Variants in DSEL observed in about 807,000 individuals in gnomAD.
The protein encoded by DSEL is dermatan sulfate epimerase like, also known as dermatan-sulfate epimerase-like protein.
Under a neutral mutation model 96.6 loss-of-function variants are expected in DSEL, and 61 were observed. That is an observed-to-expected ratio of 0.63 (90% CI 0.51 to 0.78). The LOEUF (loss-of-function observed/expected upper bound fraction) is 0.78, where lower values mean the gene tolerates loss of function less well. Among genes scored for constraint, DSEL ranks in the 30% least tolerant of loss-of-function variants. The pLI is 0.00. For synonymous variants in DSEL, 514 were observed against 502.0 expected (o/e 1.02, Z -0.32); for missense variants, 1,320 against 1,430.8 (o/e 0.92, Z 1.25).
In DSEL at chr18:67,512,949, CA is replaced by C; in HGVS notation, c.1659del (p.Ser553ArgfsTer12). The C allele has an allele frequency of 6.2e-7, 1 of 1,614,158 alleles. No individual in the cohort carries two copies. Among genetic ancestry groups the C allele is most frequent in the Non-Finnish European group, 8.5e-7 (1 of 1,180,038 alleles). ...ASQHGEMVFV[S>X]GEAVSAYSSA... is the part of the protein sequence containing the mutation. ...GAAGAATAAGCAGACACGGCTTCCC[CA>C]CTCACAAATACCATTTCCCCATGTT... On this transcript the variant is annotated frameshift_variant, in exon 2 of 2. Transcript: ENST00000310045. LOFTEE classifies it high-confidence loss of function.
At position 67,512,473 on chromosome 18, in the gene DSEL, T is replaced by A. The variant is rs757089265; in HGVS notation, c.2136A>T (p.Glu712Asp). ...LQISLNVNNT[E>D]HVVSIVTDYH... ...AATCAGTTACAATAGAAACAACATG[T>A]TCAGTATTATTGACATTGAGAGAAA... Residue 712 changes from glutamate to aspartate, a missense_variant, in exon 2 of 2, where the codon GAA becomes GAT. This residue lies in a region of DSEL where 986 missense variants were observed against 1,066.4 expected (regional missense o/e 0.92). Transcript: ENST00000310045. 3.1e-6 allele frequency: 5 copies of A among 1,614,114 alleles called. No individual in the cohort carries two copies. In the South Asian group the frequency reaches 5.5e-5, roughly 18 times the overall value.
Position 67,514,609 on chromosome 18 carries a change from G to C in DSEL, c.-1C>G, listed in dbSNP as rs201382231. The C allele has an allele frequency of 6.4e-5, 103 of 1,613,632 alleles. No individual in the cohort carries two copies. Among genetic ancestry groups the C allele is most frequent in the Non-Finnish European group, 8.6e-5 (101 of 1,179,866 alleles). ...AATGTCCTGTAAACATTAACGCCAT[G>C]ATCCATGGGGGAGCTCCTCCCTTAG... On this transcript the variant is annotated 5_prime_UTR_variant, in exon 2 of 2. It adds an upstream start codon to the 5' untranslated region. Transcript: ENST00000310045.
chr18:67,512,935 A>G lies in DSEL; in HGVS notation c.1674T>C (p.Ser558=). ...EMVFVSGEAV[S]AYSSAMRLKS... is the part of the protein sequence containing the mutation. ...TCAGTCTCATTGCTGAAGAATAAGC[A>G]GACACGGCTTCCCCACTCACAAATA... Residue 558 remains serine (S), a synonymous_variant, in exon 2 of 2, where the codon TCT becomes TCC. Coordinates refer to ENST00000310045, the MANE Select transcript of DSEL (RefSeq NM_032160.3). 1.2e-6 allele frequency: 2 copies of G among 1,614,226 alleles called. No individual in the cohort carries two copies. Among genetic ancestry groups the G allele is most frequent in the Non-Finnish European group, 1.7e-6 (2 of 1,180,056 alleles).
Position 67,511,334 on chromosome 18 carries a change from T to A in DSEL, c.3275A>T (p.Lys1092Ile). ...EPLRKELSKSKSNAVSLLSHL... is the reference protein window; with the variant it reads ...EPLRKELSKSISNAVSLLSHL... ...AGACAAGAGGGACACTGCATTTGAT[T>A]TGGATTTTGATAATTCTTTCCTCAA... is the stretch of plus-strand genomic sequence containing the variant. The change falls in exon 2 of 2, where the codon AAA (lysine) becomes ATA (isoleucine). Residue 1092 changes from lysine (K) to isoleucine (I), a missense_variant. This residue lies in a region of DSEL where 986 missense variants were observed against 1,066.4 expected (regional missense o/e 0.92). Transcript: ENST00000310045. 6.2e-7 allele frequency: 1 copy of A among 1,605,784 alleles called. No homozygotes were observed. The highest frequency in any genetic ancestry group is 8.5e-7 in the Non-Finnish European group (1 of 1,180,000).
Position 67,512,831 on chromosome 18 carries a change from G to GA in DSEL, c.1777dup (p.Ser593PhefsTer12). ...GAAGGCACTGACAGAATTTATTGGG[G>GA]AATCTTCTTGCCTCTCAATATGATC... On this transcript the variant is annotated frameshift_variant, in exon 2 of 2. Transcript: ENST00000310045. LOFTEE classifies it high-confidence loss of function. 3 of 1,613,898 alleles carry GA rather than the reference G, an allele frequency of 1.9e-6. No individual in the cohort carries two copies. Among genetic ancestry groups the GA allele is most frequent in the Non-Finnish European group, 2.5e-6 (3 of 1,180,026 alleles).
chr18:67,514,457 C>T lies in DSEL; in HGVS notation c.152G>A (p.Arg51Lys). The change falls in exon 2 of 2, where the codon AGA becomes AAA. Residue 51 changes from arginine (R) to lysine (K), a missense_variant. Coordinates refer to ENST00000310045, the MANE Select transcript of DSEL (RefSeq NM_032160.3). ...QFKTQKVQDFRPNQKLKKSML... is the reference protein window; with the variant it reads ...QFKTQKVQDFKPNQKLKKSML... ...ACTTTTCTTCAGCTTTTGGTTGGGT[C>T]TGAAATCTTGCACTTTCTGTGTTTT... The T allele has an allele frequency of 6.2e-7, 1 of 1,614,116 alleles. No homozygotes were observed. Among genetic ancestry groups the T allele is most frequent in the Non-Finnish European group, 8.5e-7 (1 of 1,180,018 alleles).
rs750620094 is a variant in DSEL at position 67,511,812 on chromosome 18, G to GT, written c.2796dup (p.His933ThrfsTer9). 6.2e-7 allele frequency: 1 copy of GT among 1,614,178 alleles called. No homozygotes were observed. The highest frequency in any genetic ancestry group is 1.1e-5 in the South Asian group (1 of 91,080). ...TCATGCAGATGGATGTTTTGCAAAT[G>GT]TAATTTTGTGTCCTGGACTAAAGAC... On this transcript the variant is annotated frameshift_variant, in exon 2 of 2. Transcript: ENST00000310045. LOFTEE classifies it high-confidence loss of function.
In DSEL at chr18:67,514,619, G is replaced by A; in HGVS notation, c.-11C>T. ...AAACATTAACGCCATGATCCATGGG[G>A]GAGCTCCTCCCTTAGGCATACATGT... On this transcript the variant is annotated 5_prime_UTR_variant, in exon 2 of 2. Transcript: ENST00000310045. The A allele has an allele frequency of 6.2e-7, 1 of 1,613,286 alleles. No individual in the cohort carries two copies. Among genetic ancestry groups the A allele is most frequent in the Admixed American group, 1.7e-5 (1 of 59,954 alleles).
Position 67,512,261 on chromosome 18 carries a change from C to T in DSEL, c.2348G>A (p.Ser783Asn). 1 of 1,614,076 alleles carries T rather than the reference C, an allele frequency of 6.2e-7. No homozygotes were observed. The highest frequency in any genetic ancestry group is 1.3e-5 in the African/African-American group (1 of 75,044). Residue 783 changes from serine to asparagine, a missense_variant, in exon 2 of 2, where the codon AGC becomes AAC. By Grantham distance (46) the Ser-to-Asn change is conservative. Transcript: ENST00000310045. ...NIAVGLILCI[S>N]LVILTFQWRF... ...CCATTGGAAAGTTAAAATCACCAAG[C>T]TAATGCACAAAATTAATCCAACTGC...
rs148721708 is a variant in DSEL at position 67,513,563 on chromosome 18, T to G, written c.1046A>C (p.Lys349Thr). 6.2e-7 allele frequency: 1 copy of G among 1,614,198 alleles called. No individual in the cohort carries two copies. The highest frequency in any genetic ancestry group is 8.5e-7 in the Non-Finnish European group (1 of 1,180,036). Reference sequence around the variant, plus strand: ...TCCAGCTCCATTCTTTAAGATGAACTTATCCAAGAAAACTAGCTGGCTTTC... The same window carrying G: ...TCCAGCTCCATTCTTTAAGATGAACGTATCCAAGAAAACTAGCTGGCTTTC... Reference protein sequence around the residue: ...GPESQLVFLDKFILKNGAGNW... With the variant: ...GPESQLVFLDTFILKNGAGNW... Residue 349 changes from lysine to threonine, a missense_variant, in exon 2 of 2, where the codon AAG becomes ACG. Transcript: ENST00000310045.
chr18:67,512,219 A>C lies in DSEL; in HGVS notation c.2390T>G (p.Phe797Cys). Reference sequence around the variant, plus strand: ...TAATATCCATCGCATTAGTTTTCTAAAAGAAAGGTAAAAACGCCATTGGAA... The same window carrying C: ...TAATATCCATCGCATTAGTTTTCTACAAGAAAGGTAAAAACGCCATTGGAA... ...LTFQWRFYLS[F>C]RKLMRWILIL... Residue 797 changes from phenylalanine (F) to cysteine (C), a missense_variant, in exon 2 of 2, where the codon TTT becomes TGT. Transcript: ENST00000310045. 1.2e-6 allele frequency: 2 copies of C among 1,614,186 alleles called. No individual in the cohort carries two copies. The highest frequency in any genetic ancestry group is 1.7e-6 in the Non-Finnish European group (2 of 1,180,048).
rs2089431714 is a variant in DSEL, at chr18:67,509,881, G to A, written c.*1089C>T. On this transcript the variant is annotated 3_prime_UTR_variant, in exon 2 of 2. Coordinates refer to ENST00000310045, the MANE Select transcript of DSEL (RefSeq NM_032160.3). Reference sequence around the variant, plus strand: ...GATGGTAAAGGAAACAGATGCCTCTGACATCATCTCCCATTTGCTTTCAAC... The same window carrying A: ...GATGGTAAAGGAAACAGATGCCTCTAACATCATCTCCCATTTGCTTTCAAC... 6.6e-6 allele frequency: 1 copy of A among 152,628 alleles called. No individual in the cohort carries two copies. The highest frequency in any genetic ancestry group is 1.5e-5 in the Non-Finnish European group (1 of 68,044). The allele number at this position is 152,628 out of a possible 1,614,324, so 9.5% of individuals were successfully genotyped here.
chr18:67,513,910 G>C lies in DSEL; in HGVS notation c.699C>G (p.Leu233=). ...CTACTCCAGTCACCAAGGCCCCTGT[G>C]AGTAATGCTATCATATTAGTGGCTT... ...NHQATNMIAL[L]TGALVTGVDK... is the part of the protein sequence containing the mutation. Residue 233 remains leucine (L), a synonymous_variant, in exon 2 of 2, where the codon CTC becomes CTG. Transcript: ENST00000310045. 1 of 1,614,162 alleles carries C rather than the reference G, an allele frequency of 6.2e-7. No individual in the cohort carries two copies. The highest frequency in any genetic ancestry group is 8.5e-7 in the Non-Finnish European group (1 of 1,180,020).
chr18:67,512,154 C>T lies in DSEL; in HGVS notation c.2455G>A (p.Val819Met). The change falls in exon 2 of 2, where the codon GTG becomes ATG. Residue 819 changes from valine to methionine, a missense_variant. Physicochemically the swap from Val to Met is conservative, Grantham distance 21 (BLOSUM62 1). Transcript: ENST00000310045. The stretch of plus-strand genomic sequence containing the variant: ...ATGGGCTGACTACAAGTGCTCCACA[C>T]ATCCAAAAGCTCAATAAACCACAAG... Reference protein sequence around the residue: ...IALWFIELLDVWSTCSQPICA... With the variant: ...IALWFIELLDMWSTCSQPICA... 2 of 1,614,202 alleles carry T rather than the reference C, an allele frequency of 1.2e-6. No homozygotes were observed. The highest frequency in any genetic ancestry group is 4.5e-5 in the East Asian group (2 of 44,888).
rs768338937 is a variant in DSEL, at chr18:67,512,978, G to A, written c.1631C>T (p.Ser544Phe). ...CACAAATACCATTTCCCCATGTTGA[G>A]AGGCAGTGATTATTTCCCCAGCTGC... The part of the protein sequence containing the change: ...GDAAGEIITA[S>F]QHGEMVFVSG... Residue 544 changes from serine to phenylalanine, a missense_variant, in exon 2 of 2, where the codon TCT becomes TTT. Physicochemically the swap from Ser to Phe is radical, Grantham distance 155. Coordinates refer to ENST00000310045, the MANE Select transcript of DSEL (RefSeq NM_032160.3). 59 of 1,614,026 alleles carry A rather than the reference G, an allele frequency of 3.7e-5. No homozygotes were observed. The highest frequency in any genetic ancestry group is 5.0e-5 in the Admixed American group (3 of 59,990).
Position 67,514,254 on chromosome 18 carries a change from C to A in DSEL, c.355G>T (p.Glu119Ter). Reference protein sequence around the residue: ...KHADFAAKWNEIYGNNLPPLA... With the variant: ...KHADFAAKWN ...GGAGGCAGATTGTTACCATAAATTT[C>A]ATTCCACTTGGCAGCAAAATCAGCA... Residue 119 changes from glutamate (E) to a stop codon, truncating the protein, a stop_gained, in exon 2 of 2, where the codon GAA becomes TAA. Transcript: ENST00000310045. LOFTEE classifies it high-confidence loss of function. The A allele has an allele frequency of 6.2e-7, 1 of 1,614,204 alleles. No individual in the cohort carries two copies. Among genetic ancestry groups the A allele is most frequent in the Non-Finnish European group, 8.5e-7 (1 of 1,180,026 alleles).
rs1568243956 is a variant in DSEL, at chr18:67,511,130, G to A, written c.3479C>T (p.Ala1160Val). 2 of 1,614,120 alleles carry A rather than the reference G, an allele frequency of 1.2e-6. No homozygotes were observed. The highest frequency in any genetic ancestry group is 1.7e-6 in the Non-Finnish European group (2 of 1,180,026). Residue 1160 changes from alanine (A) to valine (V), a missense_variant, in exon 2 of 2, where the codon GCC becomes GTC. By Grantham distance (64) the Ala-to-Val change is moderately conservative. This residue lies in a region of DSEL where 986 missense variants were observed against 1,066.4 expected (regional missense o/e 0.92). Transcript: ENST00000310045. ...AAGGTAAAAAAGGTTTGTAGAGGTG[G>A]CAAACAATATTTGGTTTAAACTAGC... ...SPASLNQILF[A>V]TSTNLFYLPY...
chr18:67,513,391 A>G lies in DSEL; in HGVS notation c.1218T>C (p.Thr406=). ...AGTTAGGGAATGTGTGTATTTTTGC[A>G]GTACCATAATCAGCAGGTGGCTGTG... ...LTPQPPADYG[T]AKIHTFPNWG... Residue 406 remains threonine, a synonymous_variant, in exon 2 of 2, where the codon ACT becomes ACC. Coordinates refer to ENST00000310045, the MANE Select transcript of DSEL (RefSeq NM_032160.3). The G allele has an allele frequency of 6.2e-7, 1 of 1,614,220 alleles. No homozygotes were observed. The highest frequency in any genetic ancestry group is 1.3e-5 in the African/African-American group (1 of 75,058).
At position 67,512,672 on chromosome 18, in the gene DSEL, G is replaced by A; in HGVS notation, c.1937C>T (p.Ala646Val). The A allele has an allele frequency of 1.9e-6, 3 of 1,614,088 alleles. No homozygotes were observed. The highest frequency in any genetic ancestry group is 2.5e-6 in the Non-Finnish European group (3 of 1,180,030). ...WFDHHGNSPM[A>V]SIQEAEQAAE... ...AGCTTGCTCTGCTTCCTGTATACTG[G>A]CCATGGGACTATTGCCATGATGATC... Residue 646 changes from alanine (A) to valine (V), a missense_variant, in exon 2 of 2, where the codon GCC becomes GTC. Physicochemically the swap from Ala to Val is moderately conservative, Grantham distance 64 (BLOSUM62 0). This residue lies in a region of DSEL where 986 missense variants were observed against 1,066.4 expected (regional missense o/e 0.92). Transcript: ENST00000310045.
Sources: gnomAD v4.1 joint callset for allele counts on GRCh38, gnomAD v4.1.1 for gene constraint, gnomAD v4.1.1 regional missense constraint, MANE v1.5 for transcripts, NCBI Gene and HGNC (gene_info 2026-07-23, HGNC 2026-07-21) for gene names.